The following TP73 variants were observed in gnomAD, a reference collection of about 807,000 sequenced individuals.
TP73 encodes the protein tumor protein p73.
In TP73, 25 loss-of-function variants were observed where a neutral mutation model predicts 62.5. That is an observed-to-expected ratio of 0.40 (90% CI 0.29 to 0.56). TP73 has a LOEUF of 0.56. Ranked by LOEUF, TP73 falls within the 20% of genes least tolerant of loss-of-function variation. TP73 has a pLI of 0.46. For missense variants in TP73, 754 were observed against 913.3 expected, an observed-to-expected ratio of 0.83 and a Z score of 2.25; for synonymous variants, 423 against 377.5, an observed-to-expected ratio of 1.12 and a Z score of -1.40.
Position 3,670,780 on chromosome 1 carries a change from T to A in TP73, c.-33-11553T>A, listed in dbSNP as rs1408014174. On this transcript the variant is annotated intron_variant, in intron 1 of 13. Transcript: ENST00000378295. This position sits in a 1 kb window ranked among gnomAD's most constrained non-coding sequence, Gnocchi z 5.9. ...TGGTGCTTCTCCAGCAGTCACTCTGTTCCTGTCCTGACCTGACCTGCTGGG... is the reference window on the plus strand; with the variant it reads ...TGGTGCTTCTCCAGCAGTCACTCTGATCCTGTCCTGACCTGACCTGCTGGG... Among the ~76,000 whole-genome samples, 1 of 152,248 alleles carries A rather than the reference T, an allele frequency of 6.6e-6. No homozygotes were observed. The highest frequency in any genetic ancestry group is 1.5e-5 in the Non-Finnish European group (1 of 68,038).
Position 3,699,143 on chromosome 1 carries a change from C to G in TP73, c.187-8406C>G, listed in dbSNP as rs1288111994. The stretch of plus-strand genomic sequence containing the variant: ...CACATTGTCGGGAGAGGGAGGCTTC[C>G]CCCCAGCCGCATGTCGAATCTTGTT... On this transcript the variant is annotated intron_variant, in intron 3 of 13. Transcript: ENST00000378295. The surrounding 1 kb of genome is among the most constrained non-coding windows in gnomAD (Gnocchi z 4.1). Among the ~76,000 whole-genome samples the G allele has an allele frequency of 6.6e-6, 1 of 151,956 alleles. No homozygotes were observed. The highest frequency in any genetic ancestry group is 1.5e-5 in the Non-Finnish European group (1 of 67,982).
intron 1 of TP73, among the ~76,000 whole-genome samples, chr1:3,660,427 G>A (rs908436093): frequency 4.6e-5 from 7 of 152,116 alleles, no homozygotes; most frequent in African/African-American, 1.4e-4. Flanking sequence ...ATGATATTCC[G>A]GTCAAACACT....
chr1:3,695,864 G>A lies in TP73; in HGVS notation c.187-11685G>A, dbSNP rs148636358. ...ACGATCCAGGGAATGGGGCAGCCCC[G>A]CCGGTCAGGTGGTACCACACCGTGG... On this transcript the variant is annotated intron_variant, in intron 3 of 13. Transcript: ENST00000378295. Among the ~76,000 whole-genome samples, 53 of 152,388 alleles carry A rather than the reference G, an allele frequency of 3.5e-4. No homozygotes were observed. In the East Asian group the frequency reaches 7.9e-3, roughly 23 times the overall value.
At chr1:3,664,170 G>A (rs1450840750) in intron 1 of TP73, among the ~76,000 whole-genome samples, 1 of 152,226 alleles carries the variant, frequency 6.6e-6, no homozygotes, top group Non-Finnish European at 1.5e-5. Flanking sequence ...TGGGCATCGC[G>A]ACTCCTACCT....
rs1346922161 is a variant in TP73 at position 3,734,656 on chromosome 1, A to C, written c.*1577A>C. 1 of 152,262 alleles carries C rather than the reference A, an allele frequency of 6.6e-6. No homozygotes were observed. 9.4% of individuals were successfully genotyped at this position (152,262 alleles called of 1,614,324 possible). A position where few individuals can be genotyped will look rare whatever the true frequency, so the allele number is the denominator to read the frequency against. The stretch of plus-strand genomic sequence containing the variant: ...ACACAGCCCCCATCCCCAGATCAGG[A>C]CTCCATCTTGCTAAGTGGCATCACC... On this transcript the variant is annotated 3_prime_UTR_variant, in exon 14 of 14. Transcript: ENST00000378295. This position sits in a 1 kb window ranked among gnomAD's most constrained non-coding sequence, Gnocchi z 4.4.
chr1:3,691,632 G>A (rs1003040885), intron 3 of TP73, among the ~76,000 whole-genome samples: 1 of 152,148 alleles, frequency 6.6e-6, no homozygotes, highest in African/African-American at 2.4e-5. Context: ...CTCACTTCCA[G>A]ACTTGCCAGG....
rs545721190 is a variant in TP73, at chr1:3,702,487, C to A, written c.187-5062C>A. On this transcript the variant is annotated intron_variant, in intron 3 of 13. Transcript: ENST00000378295. ...CCACACCCCAGCCCCCAGCCCCCAG[C>A]CCCCAGCCCAGAGCTAATCTCCAGC... 6.2e-3 allele frequency among the ~76,000 whole-genome samples: 949 copies of A among 152,314 alleles called. 5 individuals are homozygous for A. Among genetic ancestry groups the A allele is most frequent in the Non-Finnish European group, 0.011 (719 of 68,014 alleles).
At chr1:3,669,562 C>T (rs760471263) in intron 1 of TP73, among the ~76,000 whole-genome samples, 3 of 152,372 alleles carry the variant, frequency 2.0e-5, no homozygotes, top group African/African-American at 4.8e-5. Context: ...GGCTGGGGGC[C>T]GCCATCCTCA....
intron 3 of TP73, among the ~76,000 whole-genome samples, chr1:3,692,641 G>A (rs757158026): frequency 1.1e-4 from 17 of 152,260 alleles, no homozygotes; most frequent in Non-Finnish European, 7.4e-5. Flanking sequence ...CTGCTGGACC[G>A]CCTGGAACCC....
intron 11 of TP73, 55 bp from the exon 12 acceptor site, chr1:3,730,872 T>C: frequency 6.5e-7 from 1 of 1,529,920 alleles, no homozygotes; most frequent in Non-Finnish European, 8.8e-7. Context: ...GGGTGGAGGC[T>C]GCACCTGGAT....
chr1:3,669,388 G>GCC (rs1645191006), intron 1 of TP73, among the ~76,000 whole-genome samples: 1 of 152,220 alleles, frequency 6.6e-6, no homozygotes, highest in Non-Finnish European at 1.5e-5. Context: ...GGAGCCATCT[G>GCC]CCCCAAGTGG....
rs1645038508 is a variant in TP73, at chr1:3,663,393, T to TG, written c.-34+10756dup. On this transcript the variant is annotated intron_variant, in intron 1 of 13. Transcript: ENST00000378295. This position sits in a 1 kb window ranked among gnomAD's most constrained non-coding sequence, Gnocchi z 4.7. Reference sequence around the variant, plus strand: ...TCTGCATATTTTCCTCCTGGGTTTGTGGGGTGTGGACAGCACGGAGCGTGA... The same window carrying TG: ...TCTGCATATTTTCCTCCTGGGTTTGTGGGGGTGTGGACAGCACGGAGCGTGA... 6.6e-6 allele frequency among the ~76,000 whole-genome samples: 1 copy of TG among 152,034 alleles called. No homozygotes were observed. The highest frequency in any genetic ancestry group is 6.5e-5 in the Admixed American group (1 of 15,270).
rs1638943271 is a variant in TP73, at chr1:3,699,179, T to C, written c.187-8370T>C. Among the ~76,000 whole-genome samples, 1 of 152,046 alleles carries C rather than the reference T, an allele frequency of 6.6e-6. No individual in the cohort carries two copies. Among genetic ancestry groups the C allele is most frequent in the Non-Finnish European group, 1.5e-5 (1 of 67,968 alleles). ...ATGTCGAATCTTGTTGGCATTTCCA[T>C]TCGTTTAATCACGGGCTCCGGGAGA... On this transcript the variant is annotated intron_variant, in intron 3 of 13. Coordinates refer to ENST00000378295, the MANE Select transcript of TP73 (RefSeq NM_005427.4). The surrounding 1 kb of genome is among the most constrained non-coding windows in gnomAD (Gnocchi z 4.1).
At chr1:3,703,530 C>T (rs559406407) in intron 3 of TP73, among the ~76,000 whole-genome samples, 13 of 152,374 alleles carry the variant, frequency 8.5e-5, no homozygotes, top group African/African-American at 2.6e-4. Flanking sequence ...GGCTCACTCC[C>T]GCTGGGCTGT....
chr1:3,674,582 C>G (rs1221256931), intron 1 of TP73, among the ~76,000 whole-genome samples: 2 of 152,224 alleles, frequency 1.3e-5, no homozygotes, highest in Non-Finnish European at 2.9e-5. Flanking sequence ...CCCATCGTAC[C>G]CACAGAGGGA....
rs963453537 is a variant in TP73, at chr1:3,733,195, A to G, written c.*116A>G. ...CAGGACCTTCGGGCTGTGCCCGGGG[A>G]AAGGCAAGGTCCGGCCCATCCCCAG... On this transcript the variant is annotated 3_prime_UTR_variant, in exon 14 of 14. Transcript: ENST00000378295. The G allele has an allele frequency of 4.0e-6, 5 of 1,256,194 alleles. No homozygotes were observed. Among genetic ancestry groups the G allele is most frequent in the Non-Finnish European group, 3.2e-6 (3 of 930,780 alleles). 77.8% of individuals were successfully genotyped at this position (1,256,194 alleles called of 1,614,324 possible). A position where few individuals can be genotyped will look rare whatever the true frequency, so the allele number is the denominator to read the frequency against.
rs550072839 is a variant in TP73 at position 3,683,635 on chromosome 1, G to A, written c.186+455G>A. The stretch of plus-strand genomic sequence containing the variant: ...CCTGCAGTGACTTTGTTTTTAGGCC[G>A]CATCTCCTCTCATGGTGAAGAGTAC... On this transcript the variant is annotated intron_variant, in intron 3 of 13. Coordinates refer to ENST00000378295, the MANE Select transcript of TP73 (RefSeq NM_005427.4). Among the ~76,000 whole-genome samples, 10 of 152,302 alleles carry A rather than the reference G, an allele frequency of 6.6e-5. No homozygotes were observed. In the South Asian group the frequency reaches 1.0e-3, roughly 16 times the overall value.
chr1:3,658,757 TATTTTGGGGTG>T (rs1376684772), intron 1 of TP73, among the ~76,000 whole-genome samples: 2 of 151,052 alleles, frequency 1.3e-5, no homozygotes, highest in African/African-American at 2.4e-5. Context: ...CAACATGGCA[TATTTTGGGGTG>T]ACGTATTCTG....
chr1:3,683,844 G>A lies in TP73; in HGVS notation c.186+664G>A, dbSNP rs567026044. Among the ~76,000 whole-genome samples the A allele has an allele frequency of 5.1e-4, 77 of 152,312 alleles. No individual in the cohort carries two copies. The South Asian group carries it at 9.9e-3, about 20-fold the overall frequency. ...GGTGACAATGGAATGGAGTGGGGTGGGCCTCCCCACACAGGGACCCCCAAA... is the reference window on the plus strand; with the variant it reads ...GGTGACAATGGAATGGAGTGGGGTGAGCCTCCCCACACAGGGACCCCCAAA... On this transcript the variant is annotated intron_variant, in intron 3 of 13. Transcript: ENST00000378295.
Sources: gnomAD v4.1 joint callset for allele counts (sites outside exome capture counted in the v4.1 genomes callset) on GRCh38, gnomAD v4.1.1 for gene constraint, Gnocchi (gnomAD v3.1) non-coding constraint, MANE v1.5 for transcripts, NCBI Gene and HGNC (gene_info 2026-07-23, HGNC 2026-07-21) for gene names.